The following TRIM72 variants were observed in gnomAD, a reference collection of about 807,000 sequenced individuals.
TRIM72 encodes tripartite motif-containing protein 72.
A neutral mutation model predicts 31.6 loss-of-function variants in TRIM72; 33 were observed. The ratio of observed to expected loss-of-function variants is 1.04; its 90% CI spans 0.79 to 1.40. The LOEUF is 1.40. Ranked by LOEUF, TRIM72 falls within the 40% of genes most tolerant of loss-of-function variation. The probability of loss-of-function intolerance (pLI) is 0.00; values close to 1 mark genes in which losing one functional copy is unlikely to be tolerated. For synonymous variants in TRIM72, 301 were observed against 314.4 expected, an observed-to-expected ratio of 0.96 and a Z score of 0.45; for missense variants, 666 against 682.7, an observed-to-expected ratio of 0.98 and a Z score of 0.27.
rs2079503588 is a variant in TRIM72 at position 31,215,440 on chromosome 16, GGGCGGAGCCA to G, written c.390+321_390+330del. On this transcript the variant is annotated intron_variant, in intron 2 of 6. Coordinates refer to ENST00000322122, the MANE Select transcript of TRIM72 (RefSeq NM_001008274.4). This position sits in a 1 kb window ranked among gnomAD's most constrained non-coding sequence, Gnocchi z 6.3. ...AGCCCCAGGGCGGGTCTGATGGGCC[GGGCGGAGCCA>G]GGCGGAGCAGGGACTGACCAGCCCC... Among the ~76,000 whole-genome samples, 1 of 152,168 alleles carries G rather than the reference GGGCGGAGCCA, an allele frequency of 6.6e-6. No individual in the cohort carries two copies. The highest frequency in any genetic ancestry group is 1.5e-5 in the Non-Finnish European group (1 of 68,026).
intron 2 of TRIM72, among the ~76,000 whole-genome samples, chr16:31,217,668 G>T (rs1050667609): frequency 1.3e-5 from 2 of 149,764 alleles, no homozygotes; most frequent in Non-Finnish European, 3.0e-5. Flanking sequence ...AGGCTAGAGT[G>T]CAGTGGCACA....
At chr16:31,218,944 G>T (rs757959422) in intron 2 of TRIM72, 151 bp from the exon 3 acceptor site, 17 of 675,718 alleles carry the variant, frequency 2.5e-5, no homozygotes, top group Non-Finnish European at 4.1e-5. Flanking sequence ...ACTGGCTGGG[G>T]CTGGGAGGCA....
At position 31,225,643 on chromosome 16, in the gene TRIM72, C is replaced by CTTTTTTTTTTTTTTTTTTTT. The variant is rs1160718865; in HGVS notation, c.*895_*914dup. ...AAATGCTCATTTCTTTTTTTTATTT[C>CTTTTTTTTTTTTTTTTTTTT]TTTTTTTTTTTTTTTTTTTTTTTTT... On this transcript the variant is annotated 3_prime_UTR_variant, in exon 7 of 7. Transcript: ENST00000322122. 1.4e-4 allele frequency: 11 copies of CTTTTTTTTTTTTTTTTTTTT among 81,090 alleles called. No homozygotes were observed. Among genetic ancestry groups the CTTTTTTTTTTTTTTTTTTTT allele is most frequent in the Non-Finnish European group, 2.0e-4 (8 of 40,644 alleles). 5.0% of individuals were successfully genotyped at this position (81,090 alleles called of 1,614,324 possible).
chr16:31,215,249 C>CG lies in TRIM72; in HGVS notation c.390+127dup, dbSNP rs1236242990. ...AGAGGCTCACGAGCTCCTGGAGTTG[C>CG]GGGGGGCGGGGGCGGGGCGAAGCAG... On this transcript the variant is annotated intron_variant, in intron 2 of 6. Transcript: ENST00000322122. The surrounding 1 kb of genome is among the most constrained non-coding windows in gnomAD (Gnocchi z 6.3). 1 of 247,450 alleles carries CG rather than the reference C, an allele frequency of 4.0e-6. No individual in the cohort carries two copies. Among genetic ancestry groups the CG allele is most frequent in the Non-Finnish European group, 6.9e-6 (1 of 145,614 alleles). The allele number at this position is 247,450 out of a possible 1,614,324, so 15.3% of individuals were successfully genotyped here.
intron 2 of TRIM72, among the ~76,000 whole-genome samples, chr16:31,217,650 TG>T (rs1215073346): frequency 6.6e-6 from 1 of 151,094 alleles, no homozygotes. Context: ...AGTCTTGCTC[TG>T]TCGCCCAGGC....
chr16:31,222,892 C>CA lies in TRIM72; in HGVS notation c.807dup (p.Asp270ArgfsTer2), dbSNP rs1175000662. 1.3e-6 allele frequency: 2 copies of CA among 1,531,562 alleles called. No individual in the cohort carries two copies. Among genetic ancestry groups the CA allele is most frequent in the Middle Eastern group, 1.7e-4 (1 of 5,754 alleles). The allele number at this position is 1,531,562 out of a possible 1,614,324, so 94.9% of individuals were successfully genotyped here. A position where few individuals can be genotyped will look rare whatever the true frequency, so the allele number is the denominator to read the frequency against. On this transcript the variant is annotated frameshift_variant, in exon 6 of 7. Coordinates refer to ENST00000322122, the MANE Select transcript of TRIM72 (RefSeq NM_001008274.4). LOFTEE classifies it high-confidence loss of function. ...CTGGACATCCAGCTGCCAATTATCT[C>CA]AGATGACTTCAAATTCCAGGTGTGG...
chr16:31,228,138 C>G lies in TRIM72; in HGVS notation c.*3383C>G. On this transcript the variant is annotated 3_prime_UTR_variant, in exon 7 of 7. Transcript: ENST00000322122. ...CTGATTTTTGTATTTCTAGTGGGGACAGGGGCTTCACTATGTTGGCCAGCC... is the reference window on the plus strand; with the variant it reads ...CTGATTTTTGTATTTCTAGTGGGGAGAGGGGCTTCACTATGTTGGCCAGCC... 6.6e-6 allele frequency: 1 copy of G among 151,838 alleles called. No individual in the cohort carries two copies. The highest frequency in any genetic ancestry group is 1.9e-4 in the East Asian group (1 of 5,160). 9.4% of individuals were successfully genotyped at this position (151,838 alleles called of 1,614,324 possible).
chr16:31,214,708 C>T (rs1171455309), intron 1 of TRIM72, 24 bp from the exon 2 acceptor site: 1 of 1,543,908 alleles, frequency 6.5e-7, no homozygotes, highest in East Asian at 2.5e-5. Flanking sequence ...CGGGGTCCCC[C>T]TAACCTACTC....
chr16:31,221,430 G>A (rs1244690024), intron 5 of TRIM72, among the ~76,000 whole-genome samples: 3 of 147,110 alleles, frequency 2.0e-5, no homozygotes, highest in Admixed American at 2.0e-4. Context: ...GAAGGGCATT[G>A]CTGGGAGAAG....
chr16:31,216,038 G>A lies in TRIM72; in HGVS notation c.390+910G>A, dbSNP rs1323405011. 1 of 152,360 alleles carries A rather than the reference G, an allele frequency of 6.6e-6. No individual in the cohort carries two copies. The highest frequency in any genetic ancestry group is 2.4e-5 in the African/African-American group (1 of 41,466). 9.4% of individuals were successfully genotyped at this position (152,360 alleles called of 1,614,324 possible). Reference sequence around the variant, plus strand: ...CAGGGGCTGGAGGAGGCGGGGTCTGGAGGCACGGAGGCGTCCTTGGTCCCC... The same window carrying A: ...CAGGGGCTGGAGGAGGCGGGGTCTGAAGGCACGGAGGCGTCCTTGGTCCCC... On this transcript the variant is annotated intron_variant, in intron 2 of 6. Coordinates refer to ENST00000322122, the MANE Select transcript of TRIM72 (RefSeq NM_001008274.4). The surrounding 1 kb of genome is among the most constrained non-coding windows in gnomAD (Gnocchi z 6.7).
Position 31,219,059 on chromosome 16 carries a change from G to A in TRIM72, c.391-36G>A. 1 of 1,543,174 alleles carries A rather than the reference G, an allele frequency of 6.5e-7. No homozygotes were observed. The highest frequency in any genetic ancestry group is 8.8e-7 in the Non-Finnish European group (1 of 1,141,274). On this transcript the variant is annotated intron_variant, in intron 2 of 6. Coordinates refer to ENST00000322122, the MANE Select transcript of TRIM72 (RefSeq NM_001008274.4). The surrounding 1 kb of genome is among the most constrained non-coding windows in gnomAD (Gnocchi z 4.2). ...TGGGAGGTGTGGGTTTTGGGTGGGT[G>A]GCATCCCCATCACTTCTCCATGCCT...
chr16:31,229,708 A>C lies in TRIM72; in HGVS notation c.*4953A>C, dbSNP rs1218775266. ...TGGAAACCCCCAGAAACTGGCTGCCAAGACATTTCCTGTGTTTCCTGACAT... is the reference window on the plus strand; with the variant it reads ...TGGAAACCCCCAGAAACTGGCTGCCCAGACATTTCCTGTGTTTCCTGACAT... On this transcript the variant is annotated 3_prime_UTR_variant, in exon 7 of 7. Coordinates refer to ENST00000322122, the MANE Select transcript of TRIM72 (RefSeq NM_001008274.4). The C allele has an allele frequency of 6.6e-6, 1 of 152,282 alleles. No individual in the cohort carries two copies. Among genetic ancestry groups the C allele is most frequent in the African/African-American group, 2.4e-5 (1 of 41,482 alleles). The allele number at this position is 152,282 out of a possible 1,614,324, so 9.4% of individuals were successfully genotyped here. A position where few individuals can be genotyped will look rare whatever the true frequency, so the allele number is the denominator to read the frequency against.
In TRIM72 at chr16:31,219,671, T is replaced by G; in HGVS notation, c.717+152T>G. 1 of 696,784 alleles carries G rather than the reference T, an allele frequency of 1.4e-6. No individual in the cohort carries two copies. The highest frequency in any genetic ancestry group is 1.7e-5 in the South Asian group (1 of 58,922). 43.2% of individuals were successfully genotyped at this position (696,784 alleles called of 1,614,324 possible). Reference sequence around the variant, plus strand: ...GCCTCAGGACTGCTATATGGTTGTTTAGGTTGAGCACTGCATAAGGACATT... The same window carrying G: ...GCCTCAGGACTGCTATATGGTTGTTGAGGTTGAGCACTGCATAAGGACATT... On this transcript the variant is annotated intron_variant, in intron 4 of 6. Transcript: ENST00000322122. The surrounding 1 kb of genome is among the most constrained non-coding windows in gnomAD (Gnocchi z 4.2).
Position 31,226,976 on chromosome 16 carries a change from T to G in TRIM72, c.*2221T>G, listed in dbSNP as rs1275919540. Reference sequence around the variant, plus strand: ...GAGTTGGGTAAGAAAGGCCTGAGGATCTGGCAGGGGAAGGCGGCACACCTG... The same window carrying G: ...GAGTTGGGTAAGAAAGGCCTGAGGAGCTGGCAGGGGAAGGCGGCACACCTG... On this transcript the variant is annotated 3_prime_UTR_variant, in exon 7 of 7. Transcript: ENST00000322122. 3 of 152,154 alleles carry G rather than the reference T, an allele frequency of 2.0e-5. No homozygotes were observed. The highest frequency in any genetic ancestry group is 7.2e-5 in the African/African-American group (3 of 41,386). 9.4% of individuals were successfully genotyped at this position (152,154 alleles called of 1,614,324 possible). A position where few individuals can be genotyped will look rare whatever the true frequency, so the allele number is the denominator to read the frequency against.
chr16:31,222,667 A>G (rs1351124905), intron 5 of TRIM72, among the ~76,000 whole-genome samples, 160 bp from the exon 6 acceptor site: 1 of 151,996 alleles, frequency 6.6e-6, no homozygotes, highest in Non-Finnish European at 1.5e-5. Context: ...ACATTGTACA[A>G]CCATCACCAG....
rs1475908233 is a variant in TRIM72 at position 31,224,758 on chromosome 16, C to T, written c.*3C>T. ...GTCCCGAAGGCGCCGAGGCCTGAGC[C>T]GCCGGACGGGTAGTGGAGGGGCGCG... On this transcript the variant is annotated 3_prime_UTR_variant, in exon 7 of 7. Coordinates refer to ENST00000322122, the MANE Select transcript of TRIM72 (RefSeq NM_001008274.4). The T allele has an allele frequency of 1.4e-6, 2 of 1,469,660 alleles. No individual in the cohort carries two copies. Among genetic ancestry groups the T allele is most frequent in the African/African-American group, 1.4e-5 (1 of 69,250 alleles). The allele number at this position is 1,469,660 out of a possible 1,614,324, so 91.0% of individuals were successfully genotyped here.
At chr16:31,217,196 C>T (rs2079514284) in intron 2 of TRIM72, 4 of 699,482 alleles carry the variant, frequency 5.7e-6, no homozygotes, top group Non-Finnish European at 9.2e-6. Context: ...GCAAACACCG[C>T]CTAGAGGGTC....
intron 2 of TRIM72, 118 bp from the exon 3 acceptor site, chr16:31,218,976 GA>G (rs2079521517): frequency 1.1e-6 from 1 of 935,086 alleles, no homozygotes; most frequent in East Asian, 2.6e-5. Flanking sequence ...TTGGGGATGG[GA>G]AGATGGCTGG....
chr16:31,224,855 GC>G lies in TRIM72; in HGVS notation c.*103del. On this transcript the variant is annotated 3_prime_UTR_variant, in exon 7 of 7. Coordinates refer to ENST00000322122, the MANE Select transcript of TRIM72 (RefSeq NM_001008274.4). ...GAAGGGTGGGGAGCGGGTTGCCAGGGCCCAGGGGGCTGGGAACTGGGGGATC... is the reference window on the plus strand; with the variant it reads ...GAAGGGTGGGGAGCGGGTTGCCAGGGCCAGGGGGCTGGGAACTGGGGGATC... 1.6e-6 allele frequency: 2 copies of G among 1,229,070 alleles called. No homozygotes were observed. Among genetic ancestry groups the G allele is most frequent in the Non-Finnish European group, 2.2e-6 (2 of 928,886 alleles). The allele number at this position is 1,229,070 out of a possible 1,614,324, so 76.1% of individuals were successfully genotyped here.
Sources: allele counts gnomAD v4.1 joint callset (sites outside exome capture counted in the v4.1 genomes callset), GRCh38; gene constraint gnomAD v4.1.1; non-coding constraint Gnocchi (gnomAD v3.1); transcripts MANE v1.5; gene names NCBI Gene and HGNC (gene_info 2026-07-23, HGNC 2026-07-21).